The following JADE2 variants were observed in gnomAD, a reference collection of about 807,000 sequenced individuals.
JADE2 encodes the protein E3 ubiquitin-protein ligase Jade-2.
JADE2 carries 13 observed loss-of-function variants against 85.7 expected under a neutral mutation model. That is an observed-to-expected ratio of 0.15 (90% CI 0.10 to 0.24). The LOEUF (loss-of-function observed/expected upper bound fraction) is 0.24, where lower values mean the gene tolerates loss of function less well. JADE2 is among the 10% of genes least tolerant of loss of function. JADE2 has a pLI of 1.00. For synonymous variants in JADE2, 440 were observed against 456.1 expected, an observed-to-expected ratio of 0.96 and a Z score of 0.45; for missense variants, 846 against 1,115.9, an observed-to-expected ratio of 0.76 and a Z score of 3.45.
At chr5:134,538,646 A>G (rs1419223762) in intron 3 of JADE2, among the ~76,000 whole-genome samples, 3 of 152,070 alleles carry the variant, frequency 2.0e-5, no homozygotes, top group South Asian at 2.1e-4. Flanking sequence ...TGGAACTGAG[A>G]AGCGCACTGG....
intron 4 of JADE2, among the ~76,000 whole-genome samples, chr5:134,558,395 A>G (rs1218581179): frequency 6.9e-6 from 1 of 145,300 alleles, no homozygotes; most frequent in Admixed American, 6.9e-5. Context: ...ATTAGATCCC[A>G]TTTGTCAATT....
At chr5:134,570,954 C>T (rs1763964456) in intron 9 of JADE2, among the ~76,000 whole-genome samples, 1 of 152,250 alleles carries the variant, frequency 6.6e-6, no homozygotes, top group African/African-American at 2.4e-5. Flanking sequence ...TGTTAGTTTC[C>T]TAGGCCTGCC....
chr5:134,579,420 G>A lies in JADE2; in HGVS notation c.*103G>A, dbSNP rs991615750. The A allele has an allele frequency of 1.3e-5, 11 of 876,014 alleles. No homozygotes were observed. Among genetic ancestry groups the A allele is most frequent in the South Asian group, 7.2e-5 (4 of 55,880 alleles). The allele number at this position is 876,014 out of a possible 1,614,324, so 54.3% of individuals were successfully genotyped here. ...TCTCTGCTGAGTGTCCCAGACCCTC[G>A]AGGCTGCCACTCCGTCGTGGTTTTA... On this transcript the variant is annotated 3_prime_UTR_variant, in exon 12 of 12. Transcript: ENST00000681547. This position sits in a 1 kb window ranked among gnomAD's most constrained non-coding sequence, Gnocchi z 4.6.
At chr5:134,532,194 C>T (rs140838421) in intron 1 of JADE2, among the ~76,000 whole-genome samples, 1 of 152,166 alleles carries the variant, frequency 6.6e-6, no homozygotes, top group African/African-American at 2.4e-5. Context: ...CTGATTTATG[C>T]TTTTTAAACA....
rs370418515 is a variant in JADE2, at chr5:134,560,517, C to T, written c.473-229C>T. Among the ~76,000 whole-genome samples, 74 of 152,316 alleles carry T rather than the reference C, an allele frequency of 4.9e-4. 2 individuals are homozygous for T. The highest frequency in any genetic ancestry group is 1.2e-3 in the Admixed American group (19 of 15,302). Reference sequence around the variant, plus strand: ...ATGTGTCCCTGTGGTCACAGGCAGGCTGTCTAAAGTCAGAACTCCAGGACA... The same window carrying T: ...ATGTGTCCCTGTGGTCACAGGCAGGTTGTCTAAAGTCAGAACTCCAGGACA... On this transcript the variant is annotated intron_variant, in intron 5 of 11. Coordinates refer to ENST00000681547, the MANE Select transcript of JADE2 (RefSeq NM_001388185.1).
Position 134,578,280 on chromosome 5 carries a change from C to A in JADE2, c.1682-214C>A, listed in dbSNP as rs1042249425. 6.6e-6 allele frequency among the ~76,000 whole-genome samples: 1 copy of A among 152,214 alleles called. No individual in the cohort carries two copies. Among genetic ancestry groups the A allele is most frequent in the African/African-American group, 2.4e-5 (1 of 41,460 alleles). On this transcript the variant is annotated intron_variant, in intron 11 of 11. Coordinates refer to ENST00000681547, the MANE Select transcript of JADE2 (RefSeq NM_001388185.1). The surrounding 1 kb of genome is among the most constrained non-coding windows in gnomAD (Gnocchi z 4.4). ...CAAATTATGAAGCCCATCTTGAGGG[C>A]AGCACGTCCTTCTGGAGAGAAGCGT...
rs1193094443 is a variant in JADE2, at chr5:134,535,902, T to C, written c.45T>C (p.Ser15=). Reference sequence around the variant, plus strand: ...AATACTCCATCAGCAGTGACAACTCTGACACCACTGACAGTAAGGCCTTCC... The same window carrying C: ...AATACTCCATCAGCAGTGACAACTCCGACACCACTGACAGTAAGGCCTTCC... ...RRKYSISSDN[S]DTTDSHATST... is the part of the protein sequence containing the mutation. The change falls in exon 2 of 12, where the codon TCT becomes TCC. Residue 15 remains serine (S), a synonymous_variant. Coordinates refer to ENST00000681547, the MANE Select transcript of JADE2 (RefSeq NM_001388185.1). 1 of 1,613,764 alleles carries C rather than the reference T, an allele frequency of 6.2e-7. No individual in the cohort carries two copies. The highest frequency in any genetic ancestry group is 8.5e-7 in the Non-Finnish European group (1 of 1,179,770).
intron 1 of JADE2, chr5:134,526,593 C>T: frequency 1.0e-6 from 1 of 985,400 alleles, no homozygotes; most frequent in Non-Finnish European, 1.2e-6. Context: ...GCAGCCGGTC[C>T]GGTCCCAGAC....
intron 1 of JADE2, among the ~76,000 whole-genome samples, chr5:134,533,068 G>T (rs189407918): frequency 1.3e-5 from 2 of 152,278 alleles, no homozygotes; most frequent in African/African-American, 4.8e-5. Context: ...AATTGGCTTG[G>T]TGCGGGGTGT....
chr5:134,552,283 A>C (rs950628733), intron 4 of JADE2, 74 bp downstream of exon 4: 95 of 1,371,948 alleles, frequency 6.9e-5, no homozygotes, highest in Admixed American at 9.9e-5. Flanking sequence ...AGGTTAGGTG[A>C]CCTGCCAGTC....
intron 3 of JADE2, among the ~76,000 whole-genome samples, chr5:134,546,985 T>C (rs1762333891): frequency 6.6e-6 from 1 of 152,178 alleles, no homozygotes; most frequent in Non-Finnish European, 1.5e-5. Flanking sequence ...TGAGATTGTA[T>C]ATTAAACCTT....
chr5:134,524,635 C>T (rs1469288869), upstream of JADE2, among the ~76,000 whole-genome samples: 1 of 152,168 alleles, frequency 6.6e-6, no homozygotes, highest in Non-Finnish European at 1.5e-5. Context: ...ACCACCCACC[C>T]ACCCGCTCAT....
At chr5:134,533,940 C>T (rs947302183) in intron 1 of JADE2, among the ~76,000 whole-genome samples, 1 of 151,898 alleles carries the variant, frequency 6.6e-6, no homozygotes, top group Non-Finnish European at 1.5e-5. Context: ...AGAGATGAGT[C>T]CCCCTACGTT....
In JADE2 at chr5:134,525,819, G is replaced by C. The variant is rs1159046784; in HGVS notation, c.-193G>C. 1 of 1,012,156 alleles carries C rather than the reference G, an allele frequency of 9.9e-7. No homozygotes were observed. Among genetic ancestry groups the C allele is most frequent in the Non-Finnish European group, 1.2e-6 (1 of 844,834 alleles). The allele number at this position is 1,012,156 out of a possible 1,614,324, so 62.7% of individuals were successfully genotyped here. A position where few individuals can be genotyped will look rare whatever the true frequency, so the allele number is the denominator to read the frequency against. ...TAGGTCCTGCGGGCCGACCGTCCCC[G>C]GCGGGGGGCGTGGGGCCTGGGACGC... On this transcript the variant is annotated 5_prime_UTR_variant, in exon 1 of 12. Coordinates refer to ENST00000681547, the MANE Select transcript of JADE2 (RefSeq NM_001388185.1).
At chr5:134,543,678 A>G (rs1235278410) in intron 3 of JADE2, among the ~76,000 whole-genome samples, 1 of 152,178 alleles carries the variant, frequency 6.6e-6, no homozygotes, top group Non-Finnish European at 1.5e-5. Context: ...CTCTGTCTCA[A>G]AAACAAAAAA....
At chr5:134,540,116 G>C (rs1362911797) in intron 3 of JADE2, among the ~76,000 whole-genome samples, 2 of 152,168 alleles carry the variant, frequency 1.3e-5, no homozygotes, top group Non-Finnish European at 2.9e-5. Flanking sequence ...GTAGGGGGAT[G>C]GGATGTGCTT....
intron 1 of JADE2, among the ~76,000 whole-genome samples, chr5:134,532,023 C>T (rs962914205): frequency 2.7e-5 from 4 of 150,868 alleles, no homozygotes; most frequent in African/African-American, 9.8e-5. Context: ...CAGCTGGGAC[C>T]ACAGGCACAC....
At chr5:134,535,827 G>A (rs772079628) in intron 1 of JADE2, 31 bp from the exon 2 acceptor site, 24 of 1,606,048 alleles carry the variant, frequency 1.5e-5, no homozygotes, top group East Asian at 8.9e-5. Flanking sequence ...CAAGCCATCC[G>A]TGAGTATAAT....
chr5:134,550,035 A>G (rs941401146), intron 3 of JADE2, among the ~76,000 whole-genome samples: 5 of 152,266 alleles, frequency 3.3e-5, no homozygotes, highest in African/African-American at 1.2e-4. Flanking sequence ...AAAAGCACGC[A>G]GTGCCTGAGT....
Sources: gnomAD v4.1 joint callset for allele counts (sites outside exome capture counted in the v4.1 genomes callset) on GRCh38, gnomAD v4.1.1 for gene constraint, Gnocchi (gnomAD v3.1) non-coding constraint, MANE v1.5 for transcripts, NCBI Gene and HGNC (gene_info 2026-07-23, HGNC 2026-07-21) for gene names.